Variants in SPATA16 observed in about 807,000 individuals in gnomAD.
SPATA16 encodes spermatogenesis-associated protein 16.
Under a neutral mutation model 63.3 loss-of-function variants are expected in SPATA16, and 36 were observed. That is an observed-to-expected ratio of 0.57 (90% CI 0.44 to 0.75). SPATA16 has a LOEUF of 0.75. Among genes scored for constraint, SPATA16 ranks in the 30% least tolerant of loss-of-function variants. The pLI is 0.00. For missense variants in SPATA16, 646 were observed against 679.3 expected, an observed-to-expected ratio of 0.95 and a Z score of 0.54; for synonymous variants, 203 against 216.7, an observed-to-expected ratio of 0.94 and a Z score of 0.56.
chr3:172,958,684 G>GT (rs1560079079), intron 5 of SPATA16, among the ~76,000 whole-genome samples: 1 of 152,144 alleles, frequency 6.6e-6, no homozygotes, highest in African/African-American at 2.4e-5. Context: ...CAAGACAGTG[G>GT]TGTCAGCAGG....
intron 10 of SPATA16, among the ~76,000 whole-genome samples, chr3:172,913,295 C>A (rs1313707957): frequency 6.6e-6 from 1 of 152,028 alleles, no homozygotes; most frequent in Non-Finnish European, 1.5e-5. Flanking sequence ...AGTCATTATT[C>A]CTCAAGTGAA....
chr3:172,895,555 T>C (rs80168965), intron 10 of SPATA16, among the ~76,000 whole-genome samples: 14,741 of 152,084 alleles, frequency 0.097, 805 homozygotes, highest in African/African-American at 0.14. Context: ...AGGCTGGTCT[T>C]GAACTCCTGG....
chr3:173,004,299 T>TA (rs1244530811), intron 4 of SPATA16, among the ~76,000 whole-genome samples: 2 of 152,188 alleles, frequency 1.3e-5, no homozygotes, highest in Admixed American at 6.5e-5. Context: ...AGCTGACTGA[T>TA]ACAGTCTTGC....
intron 2 of SPATA16, among the ~76,000 whole-genome samples, chr3:173,102,086 C>T (rs141848972): frequency 1.3e-5 from 2 of 152,284 alleles, no homozygotes; most frequent in East Asian, 3.9e-4. Context: ...GATTCATGAT[C>T]CCTTTCCTTA....
chr3:172,981,313 A>G (rs1258542426), intron 4 of SPATA16, among the ~76,000 whole-genome samples: 1 of 152,176 alleles, frequency 6.6e-6, no homozygotes, highest in African/African-American at 2.4e-5. Context: ...GATCCCATTA[A>G]AATTAGGATG....
intron 2 of SPATA16, among the ~76,000 whole-genome samples, chr3:173,098,837 A>G (rs1034689348): frequency 1.3e-5 from 2 of 152,200 alleles, no homozygotes; most frequent in Non-Finnish European, 2.9e-5. Flanking sequence ...AAAGCCGCCC[A>G]TATGATCACT....
chr3:172,961,048 CTTCT>C (rs1553786351), intron 5 of SPATA16, among the ~76,000 whole-genome samples: 4 of 66,024 alleles, frequency 6.1e-5, no homozygotes, highest in East Asian at 3.9e-4. Context: ...TTCTTTCTTT[CTTCT>C]TTCTTTCTTT....
intron 4 of SPATA16, among the ~76,000 whole-genome samples, chr3:173,017,083 T>C (rs570368252): frequency 6.6e-6 from 1 of 152,208 alleles, no homozygotes; most frequent in South Asian, 2.1e-4. Context: ...GCTGCTAAGA[T>C]ACACTACGAT....
At chr3:172,937,134 C>T (rs757298729) in intron 6 of SPATA16, among the ~76,000 whole-genome samples, 1 of 152,076 alleles carries the variant, frequency 6.6e-6, no homozygotes, top group Non-Finnish European at 1.5e-5. Flanking sequence ...GTGGAAAACC[C>T]TACACATTTG....
In SPATA16 at chr3:172,958,792, T is replaced by C. The variant is rs202197366; in HGVS notation, c.934-1968A>G. The stretch of plus-strand genomic sequence containing the variant: ...TCCTCTTTGTGTGTGTGCACGCACG[T>C]GTGTGTGTGTGTTCTAATTTCCTCT... On this transcript the variant is annotated intron_variant, in intron 5 of 10. Coordinates refer to ENST00000351008, the MANE Select transcript of SPATA16 (RefSeq NM_031955.6). Among the ~76,000 whole-genome samples the C allele has an allele frequency of 1.8e-3, 273 of 151,914 alleles. 1 individual carries two copies. Among genetic ancestry groups the C allele is most frequent in the Admixed American group, 4.5e-3 (69 of 15,248 alleles).
intron 4 of SPATA16, among the ~76,000 whole-genome samples, chr3:172,982,168 C>A (rs1366152744): frequency 1.4e-4 from 22 of 152,080 alleles, no homozygotes; most frequent in Admixed American, 1.4e-3. Flanking sequence ...TACAAAGAGC[C>A]TGAGACTAAC....
intron 6 of SPATA16, among the ~76,000 whole-genome samples, chr3:172,953,842 T>TA (rs1289536226): frequency 6.6e-6 from 1 of 152,216 alleles, no homozygotes; most frequent in Non-Finnish European, 1.5e-5. Context: ...TGTGGTTAGA[T>TA]AGGTTCTAAA....
intron 3 of SPATA16, 102 bp from the exon 4 acceptor site, chr3:173,019,677 T>A (rs905905075): frequency 9.1e-7 from 1 of 1,100,166 alleles, no homozygotes; most frequent in South Asian, 1.3e-5. Context: ...TTATATACTA[T>A]GTGTTTTTAA....
chr3:173,130,541 C>T (rs1213945647), intron 1 of SPATA16, among the ~76,000 whole-genome samples: 5 of 152,042 alleles, frequency 3.3e-5, no homozygotes, highest in Non-Finnish European at 5.9e-5. Context: ...CTTGAGAAAC[C>T]ATTGGTTGAG....
chr3:173,054,549 C>G (rs1406906855), intron 2 of SPATA16, among the ~76,000 whole-genome samples: 6 of 152,076 alleles, frequency 3.9e-5, no homozygotes, highest in Non-Finnish European at 8.8e-5. Flanking sequence ...AAACTAAACA[C>G]CACCTATTCT....
intron 2 of SPATA16, among the ~76,000 whole-genome samples, chr3:173,051,922 CT>C (rs1322255939): frequency 4.6e-5 from 7 of 151,994 alleles, no homozygotes; most frequent in Non-Finnish European, 1.0e-4. Context: ...AGCGATTCTC[CT>C]GCCTCAGCCG....
Position 172,985,079 on chromosome 3 carries a change from C to T in SPATA16, c.849-8027G>A, listed in dbSNP as rs912278914. Among the ~76,000 whole-genome samples the T allele has an allele frequency of 2.0e-5, 3 of 152,158 alleles. No individual in the cohort carries two copies. In the East Asian group the frequency reaches 5.8e-4, roughly 29 times the overall value. ...GTGTCCTCTCTAAAAACTATATTCA[C>T]TGTGGTTGATTCAACTGTGTGTAAT... On this transcript the variant is annotated intron_variant, in intron 4 of 10. Transcript: ENST00000351008.
chr3:172,911,274 C>A (rs530444849), intron 10 of SPATA16, among the ~76,000 whole-genome samples: 1 of 152,136 alleles, frequency 6.6e-6, no homozygotes, highest in East Asian at 1.9e-4. Context: ...GGGTCAGTGG[C>A]CCCTTCTTGG....
In SPATA16 at chr3:173,017,013, CAA is replaced by C. The variant is rs5854498; in HGVS notation, c.848+2471_848+2472del. 7.9e-3 allele frequency among the ~76,000 whole-genome samples: 1,101 copies of C among 140,014 alleles called. 6 individuals carry two copies. Among genetic ancestry groups the C allele is most frequent in the African/African-American group, 0.016 (600 of 37,962 alleles). The allele number at this position is 140,014 out of a possible 152,430, so 91.9% of individuals were successfully genotyped here. A position where few individuals can be genotyped will look rare whatever the true frequency, so the allele number is the denominator to read the frequency against. On this transcript the variant is annotated intron_variant, in intron 4 of 10. Transcript: ENST00000351008. ...CCTGGGCAGCAGAACAAGACTGTCTCAAAAAAAAAAAAAAGCTGTATATATTG... is the reference window on the plus strand; with the variant it reads ...CCTGGGCAGCAGAACAAGACTGTCTCAAAAAAAAAAAAGCTGTATATATTG...
Sources: allele counts gnomAD v4.1 joint callset (sites outside exome capture counted in the v4.1 genomes callset), GRCh38; gene constraint gnomAD v4.1.1; transcripts MANE v1.5; gene names NCBI Gene and HGNC (gene_info 2026-07-23, HGNC 2026-07-21).